The following ATP11C variants were observed in gnomAD, a reference collection of about 807,000 sequenced individuals.
The protein encoded by ATP11C is ATPase phospholipid transporting 11C (ATP11C blood group), also known as phospholipid-transporting ATPase IG.
ATP11C carries 36 observed loss-of-function variants against 97.4 expected under a neutral mutation model. That is an observed-to-expected ratio of 0.37 (90% CI 0.28 to 0.49). The LOEUF (loss-of-function observed/expected upper bound fraction) is 0.49. Among genes scored for constraint, ATP11C ranks in the 20% least tolerant of loss-of-function variants. The pLI is 0.98. For synonymous variants in ATP11C, 275 were observed against 290.9 expected (o/e 0.95, Z 0.56); for missense variants, 730 against 824.6 (o/e 0.89, Z 1.40).
At chrX:139,923,479 G>A (rs755564102) in intron 1 of ATP11C, among the ~76,000 whole-genome samples, 4 of 111,868 alleles carry the variant, frequency 3.6e-5, no homozygotes, top group Non-Finnish European at 7.5e-5. Flanking sequence ...GGTGAGCAGG[G>A]CTGTACCTTA....
intron 5 of ATP11C, among the ~76,000 whole-genome samples, chrX:139,807,929 G>A (rs529092685): frequency 1.0e-3 from 108 of 103,808 alleles, no homozygotes; most frequent in Non-Finnish European, 1.8e-3. Flanking sequence ...TCCAGCCTGG[G>A]CAACAGAGTA....
intron 1 of ATP11C, among the ~76,000 whole-genome samples, chrX:139,888,779 C>G: frequency 9.2e-6 from 1 of 109,277 alleles, no homozygotes. Context: ...TTACTGAAAA[C>G]AGGATATACA....
intron 2 of ATP11C, among the ~76,000 whole-genome samples, chrX:139,821,419 T>G (rs757540871): frequency 8.9e-6 from 1 of 112,093 alleles, no homozygotes; most frequent in Non-Finnish European, 1.9e-5. Flanking sequence ...CCCAATTATT[T>G]AAAATCAACT....
intron 28 of ATP11C, among the ~76,000 whole-genome samples, chrX:139,736,441 T>C (rs918951749): frequency 2.7e-5 from 3 of 111,521 alleles, no homozygotes; most frequent in Non-Finnish European, 3.8e-5. Flanking sequence ...CAAAGTATAC[T>C]CCCAAATAAG....
chrX:139,822,588 A>C (rs2083436524), intron 2 of ATP11C, among the ~76,000 whole-genome samples: 1 of 110,404 alleles, frequency 9.1e-6, no homozygotes, highest in African/African-American at 3.3e-5. Context: ...TAATTTTTAT[A>C]TTTTTAGTAG....
intron 5 of ATP11C, among the ~76,000 whole-genome samples, chrX:139,806,552 TG>T (rs2083046979): frequency 9.0e-6 from 1 of 110,771 alleles, no homozygotes; most frequent in Non-Finnish European, 1.9e-5. Flanking sequence ...ACCATGAAAG[TG>T]GGTAAGAAGA....
chrX:139,787,182 T>A lies in ATP11C; in HGVS notation c.1583A>T (p.Glu528Val). 5.8e-6 allele frequency: 7 copies of A among 1,204,487 alleles called. No individual in the cohort carries two copies. Among genetic ancestry groups the A allele is most frequent in the Non-Finnish European group, 5.6e-6 (5 of 889,192 alleles). ...ACACAGAGCTACTTACTCTTCTATT[T>A]CTTTTCTTTGGTTCTCTACTCTCAT... is the stretch of plus-strand genomic sequence containing the variant. ...GYMRVENQRK[E>V]IEEYELLHTL... is the part of the protein sequence containing the mutation. The change falls in exon 15 of 30, where the codon GAA becomes GTA. Residue 528 changes from glutamate to valine, a missense_variant. Physicochemically the swap from Glu to Val is moderately radical, Grantham distance 121. Transcript: ENST00000682941.
chrX:139,857,886 A>G (rs991392844), intron 1 of ATP11C, among the ~76,000 whole-genome samples: 3 of 112,328 alleles, frequency 2.7e-5, no homozygotes, highest in Non-Finnish European at 5.6e-5. Flanking sequence ...ACAGAAAGTT[A>G]TGGTTTGGAT....
At chrX:139,769,370 A>G (rs1204969208) in intron 19 of ATP11C, among the ~76,000 whole-genome samples, 1 of 89,588 alleles carries the variant, frequency 1.1e-5, no homozygotes, top group Non-Finnish European at 2.2e-5. Flanking sequence ...GTGGTTCTCT[A>G]GCCATCCCAT....
chrX:139,806,451 CT>C (rs2083044059), intron 5 of ATP11C, among the ~76,000 whole-genome samples: 1 of 112,003 alleles, frequency 8.9e-6, no homozygotes, highest in South Asian at 3.7e-4. Context: ...ACCAAGTGAA[CT>C]GAATTTCAAA....
intron 1 of ATP11C, among the ~76,000 whole-genome samples, chrX:139,916,909 G>A (rs937298759): frequency 9.0e-6 from 1 of 111,405 alleles, no homozygotes; most frequent in Non-Finnish European, 1.9e-5. Context: ...TGACACTGGC[G>A]TAAAGACAGA....
chrX:139,783,763 C>T lies in ATP11C; in HGVS notation c.1667-496G>A, dbSNP rs139029368. 2.6e-3 allele frequency among the ~76,000 whole-genome samples: 292 copies of T among 110,364 alleles called. 1 individual carries two copies. The highest frequency in any genetic ancestry group is 8.9e-3 in the African/African-American group (270 of 30,321). Reference sequence around the variant, plus strand: ...TGGTACACACCTATAGACCCAACTACGCTGGATGCTGAGGTGGAAGGATTG... The same window carrying T: ...TGGTACACACCTATAGACCCAACTATGCTGGATGCTGAGGTGGAAGGATTG... On this transcript the variant is annotated intron_variant, in intron 16 of 29. Transcript: ENST00000682941.
intron 1 of ATP11C, among the ~76,000 whole-genome samples, chrX:139,838,039 C>G (rs950937402): frequency 8.9e-6 from 1 of 112,223 alleles, no homozygotes; most frequent in Non-Finnish European, 1.9e-5. Flanking sequence ...CAATGCAACT[C>G]TCAAAAGACA....
chrX:139,784,644 G>C (rs2082535753), intron 16 of ATP11C, among the ~76,000 whole-genome samples: 1 of 111,016 alleles, frequency 9.0e-6, no homozygotes, highest in Admixed American at 9.6e-5. Flanking sequence ...AGGGAGCCCA[G>C]GATTACAGTA....
rs151183896 is a variant in ATP11C, at chrX:139,835,740, T to C, written c.28-8917A>G. Among the ~76,000 whole-genome samples the C allele has an allele frequency of 2.8e-5, 3 of 105,449 alleles. No individual in the cohort carries two copies. In the East Asian group the frequency reaches 9.8e-4, roughly 35 times the overall value. 91.6% of individuals were successfully genotyped at this position (105,449 alleles called of 115,157 possible). On this transcript the variant is annotated intron_variant, in intron 1 of 29. Transcript: ENST00000682941. ...GACTTTCTAGCAATAAAACTTGAAA[T>C]GTGGCCGGCCGAGTGTGGTGGCTCA... is the stretch of plus-strand genomic sequence containing the variant.
chrX:139,875,442 AAAG>A (rs1315548216), intron 1 of ATP11C, among the ~76,000 whole-genome samples: 2 of 108,412 alleles, frequency 1.8e-5, no homozygotes, highest in Non-Finnish European at 1.9e-5. Flanking sequence ...AAAAAAGAAA[AAAG>A]AAATTAGCTG....
At chrX:139,738,740 T>C (rs373449302) in intron 27 of ATP11C, among the ~76,000 whole-genome samples, 7 of 110,982 alleles carry the variant, frequency 6.3e-5, no homozygotes, top group Admixed American at 4.8e-4. Context: ...AAAGTGGCCA[T>C]TGAGAAGCAC....
chrX:139,790,830 C>T (rs1052567873), intron 12 of ATP11C, among the ~76,000 whole-genome samples: 1 of 111,256 alleles, frequency 9.0e-6, no homozygotes, highest in African/African-American at 3.3e-5. Flanking sequence ...TAAAGTATAA[C>T]ACAAGTATAT....
At chrX:139,749,703 T>C (rs1241144881) in intron 24 of ATP11C, among the ~76,000 whole-genome samples, 1 of 112,107 alleles carries the variant, frequency 8.9e-6, no homozygotes, top group Non-Finnish European at 1.9e-5. Context: ...CAGAAGATCT[T>C]TGTGTATGCT....
Sources: gnomAD v4.1 joint callset for allele counts (sites outside exome capture counted in the v4.1 genomes callset) on GRCh38, gnomAD v4.1.1 for gene constraint, MANE v1.5 for transcripts, NCBI Gene and HGNC (gene_info 2026-07-23, HGNC 2026-07-21) for gene names.